CTDSPL2: variants seen among roughly 807,000 people sequenced by gnomAD.
The protein encoded by CTDSPL2 is CTD small phosphatase like 2.
A neutral mutation model predicts 60.0 loss-of-function variants in CTDSPL2; 5 were observed. That is an observed-to-expected ratio of 0.08 (90% CI 0.04 to 0.18). The LOEUF (loss-of-function observed/expected upper bound fraction) is 0.18, where lower values mean the gene tolerates loss of function less well. CTDSPL2 is among the 10% of genes least tolerant of loss of function. The pLI, the probability that CTDSPL2 is intolerant of heterozygous loss-of-function variation, is 1.00. For synonymous variants in CTDSPL2, 186 were observed against 189.3 expected (o/e 0.98, Z 0.14); for missense variants, 370 against 548.8 (o/e 0.67, Z 3.26).
intron 10 of CTDSPL2, 127 bp downstream of exon 10, chr15:44,514,971 T>C: frequency 1.7e-6 from 1 of 583,228 alleles, no homozygotes; most frequent in Non-Finnish European, 3.0e-6. Flanking sequence ...TAAATGAATT[T>C]TTTAAGCCCC....
intron 1 of CTDSPL2, among the ~76,000 whole-genome samples, chr15:44,455,893 A>G (rs1199995706): frequency 8.7e-6 from 1 of 115,488 alleles, no homozygotes; most frequent in African/African-American, 3.4e-5. Flanking sequence ...GCTGTCGCCC[A>G]GGCTGGAGTG....
At chr15:44,496,122 A>C (rs2081296430) in intron 5 of CTDSPL2, among the ~76,000 whole-genome samples, 1 of 152,222 alleles carries the variant, frequency 6.6e-6, no homozygotes, top group South Asian at 2.1e-4. Flanking sequence ...AGTAATAAGT[A>C]GTAGATTTTT....
intron 2 of CTDSPL2, among the ~76,000 whole-genome samples, chr15:44,471,462 A>G (rs570967343): frequency 1.3e-5 from 2 of 152,308 alleles, no homozygotes; most frequent in African/African-American, 4.8e-5. Context: ...TAATGTATAC[A>G]GCTCTATGAG....
chr15:44,489,244 C>G (rs2081177273), intron 4 of CTDSPL2, among the ~76,000 whole-genome samples: 1 of 151,330 alleles, frequency 6.6e-6, no homozygotes, highest in African/African-American at 2.4e-5. Flanking sequence ...GTTCCATAGC[C>G]TGCAACTAGG....
At chr15:44,457,350 C>G (rs1049345238) in intron 1 of CTDSPL2, among the ~76,000 whole-genome samples, 10 of 152,218 alleles carry the variant, frequency 6.6e-5, no homozygotes. Context: ...ATATCAGCAC[C>G]TGCTGCTTCA....
intron 8 of CTDSPL2, among the ~76,000 whole-genome samples, chr15:44,504,998 TATTC>T (rs1397108485): frequency 2.0e-5 from 3 of 152,202 alleles, no homozygotes; most frequent in African/African-American, 7.2e-5. Context: ...TCATCATAAT[TATTC>T]ATTATTAATT....
intron 2 of CTDSPL2, among the ~76,000 whole-genome samples, chr15:44,471,425 T>C (rs1216150591): frequency 1.3e-5 from 2 of 152,214 alleles, no homozygotes; most frequent in Non-Finnish European, 2.9e-5. Context: ...TATTTACTTA[T>C]TATTTTTTGA....
chr15:44,491,416 G>C (rs1419920653), intron 5 of CTDSPL2, among the ~76,000 whole-genome samples: 2 of 152,152 alleles, frequency 1.3e-5, no homozygotes, highest in Non-Finnish European at 2.9e-5. Flanking sequence ...AACTGCTTCT[G>C]TTCCTAGATC....
intron 2 of CTDSPL2, among the ~76,000 whole-genome samples, chr15:44,471,024 T>C (rs2080798939): frequency 6.6e-6 from 1 of 152,188 alleles, no homozygotes; most frequent in African/African-American, 2.4e-5. Context: ...GACCAAAAAG[T>C]ATCCTTATTT....
chr15:44,451,400 A>G (rs2080332382), intron 1 of CTDSPL2, among the ~76,000 whole-genome samples: 1 of 152,144 alleles, frequency 6.6e-6, no homozygotes, highest in Admixed American at 6.6e-5. Flanking sequence ...GTGAGCCACC[A>G]CGCTCAGCCT....
chr15:44,441,604 C>G (rs765176590), intron 1 of CTDSPL2, among the ~76,000 whole-genome samples: 2 of 152,098 alleles, frequency 1.3e-5, no homozygotes, highest in Non-Finnish European at 2.9e-5. Flanking sequence ...TGTTTCTTCC[C>G]GTGGTCTACC....
intron 1 of CTDSPL2, among the ~76,000 whole-genome samples, chr15:44,436,527 C>A (rs189882951): frequency 3.9e-5 from 6 of 152,240 alleles, no homozygotes; most frequent in Admixed American, 6.5e-5. Flanking sequence ...CCAATAATTT[C>A]TTTTGCTGTT....
At chr15:44,441,984 AAG>A (rs1365572331) in intron 1 of CTDSPL2, among the ~76,000 whole-genome samples, 1 of 152,112 alleles carries the variant, frequency 6.6e-6, no homozygotes, top group Admixed American at 6.6e-5. Flanking sequence ...TGATAGTGGA[AAG>A]AGAGACTCCC....
chr15:44,428,530 G>C (rs1025058681), intron 1 of CTDSPL2, among the ~76,000 whole-genome samples: 1 of 152,230 alleles, frequency 6.6e-6, no homozygotes. Context: ...GGCTGGATGT[G>C]TGAATGATGT....
At chr15:44,481,574 T>G (rs529345508) in intron 2 of CTDSPL2, among the ~76,000 whole-genome samples, 1 of 152,210 alleles carries the variant, frequency 6.6e-6, no homozygotes, top group Admixed American at 6.5e-5. Flanking sequence ...TCACCTGTAT[T>G]TTTATTTTTA....
At chr15:44,521,948 A>AC (rs1269403381) in intron 12 of CTDSPL2, among the ~76,000 whole-genome samples, 6 of 149,354 alleles carry the variant, frequency 4.0e-5, no homozygotes, top group Admixed American at 2.0e-4. Context: ...AAAAAAAAAA[A>AC]AAAAAAAAAA....
intron 7 of CTDSPL2, 79 bp downstream of exon 7, chr15:44,497,217 C>CT (rs922290849): frequency 2.8e-4 from 227 of 816,882 alleles, no homozygotes; most frequent in African/African-American, 9.4e-4. Context: ...TTAGCTTTCC[C>CT]TTTTTTTTGT....
At position 44,459,018 on chromosome 15, in the gene CTDSPL2, A is replaced by C; in HGVS notation, c.4A>C (p.Arg2=). 1 of 1,552,402 alleles carries C rather than the reference A, an allele frequency of 6.4e-7. No individual in the cohort carries two copies. The highest frequency in any genetic ancestry group is 8.7e-7 in the Non-Finnish European group (1 of 1,152,708). Residue 2 remains arginine (R), a synonymous_variant, in exon 2 of 13, where the codon AGG becomes CGG. Transcript: ENST00000260327. ...TTACATGTGGCACCCATAAAAGATG[A>C]GGCTGAGAACACGGAAAGCTTCTCA... The part of the protein sequence containing the change: M[R]LRTRKASQQS...
At chr15:44,436,367 T>C (rs1228917654) in intron 1 of CTDSPL2, among the ~76,000 whole-genome samples, 1 of 152,186 alleles carries the variant, frequency 6.6e-6, no homozygotes, top group Non-Finnish European at 1.5e-5. Context: ...TAGTGAATGT[T>C]TGTCTTAATG....
Sources: gnomAD v4.1 joint callset for allele counts (sites outside exome capture counted in the v4.1 genomes callset) on GRCh38, gnomAD v4.1.1 for gene constraint, MANE v1.5 for transcripts, NCBI Gene and HGNC (gene_info 2026-07-23, HGNC 2026-07-21) for gene names.